Variants in PDGFRA observed in about 807,000 individuals in gnomAD.
The protein encoded by PDGFRA is platelet derived growth factor receptor alpha.
In PDGFRA, 25 loss-of-function variants were observed where a neutral mutation model predicts 121.5. That is an observed-to-expected ratio of 0.21 (90% confidence interval 0.15 to 0.29). The LOEUF (loss-of-function observed/expected upper bound fraction) is 0.29, where lower values mean the gene tolerates loss of function less well. Ranked by LOEUF, PDGFRA falls within the 10% of genes least tolerant of loss-of-function variation. The pLI is 1.00. For missense variants in PDGFRA, 1,008 were observed against 1,345.1 expected (o/e 0.75, Z 3.92); for synonymous variants, 463 against 494.8 (o/e 0.94, Z 0.85).
intron 1 of PDGFRA, among the ~76,000 whole-genome samples, chr4:54,257,030 T>A (rs1321806812): frequency 6.6e-6 from 1 of 151,796 alleles, no homozygotes; most frequent in African/African-American, 2.4e-5. Context: ...CCCTGTTTCA[T>A]AAACAAATTA....
At chr4:54,246,465 C>T (rs575901229) in intron 1 of PDGFRA, among the ~76,000 whole-genome samples, 13 of 152,328 alleles carry the variant, frequency 8.5e-5, no homozygotes, top group Non-Finnish European at 1.5e-5. Context: ...TCCTGAATGA[C>T]TACTGGGTAC....
intron 18 of PDGFRA, among the ~76,000 whole-genome samples, chr4:54,286,845 C>T (rs563295965): frequency 1.3e-5 from 2 of 152,276 alleles, no homozygotes; most frequent in Admixed American, 1.3e-4. Flanking sequence ...ATTTTGTTGT[C>T]TACTTGAACC....
chr4:54,255,181 A>T (rs1722292933), intron 1 of PDGFRA, among the ~76,000 whole-genome samples: 1 of 152,140 alleles, frequency 6.6e-6, no homozygotes, highest in African/African-American at 2.4e-5. Flanking sequence ...GCTCTAAGTA[A>T]CCACAGGGTT....
In PDGFRA at chr4:54,284,875, CTATCT is replaced by C. The variant is rs1362377765; in HGVS notation, c.2324-494_2324-490del. 3.2e-4 allele frequency among the ~76,000 whole-genome samples: 33 copies of C among 104,168 alleles called. No homozygotes were observed. In the South Asian group the frequency reaches 7.3e-3, roughly 23 times the overall value. 68.3% of individuals were successfully genotyped at this position (104,168 alleles called of 152,430 possible). A position where few individuals can be genotyped will look rare whatever the true frequency, so the allele number is the denominator to read the frequency against. On this transcript the variant is annotated intron_variant, in intron 16 of 22. Coordinates refer to ENST00000257290, the MANE Select transcript of PDGFRA (RefSeq NM_006206.6). ...ATCTCTTTCCTTTCTTTCATTCTTT[CTATCT>C]TTTTTTTTTTTTTTTTTTTTTGAGA...
intron 18 of PDGFRA, among the ~76,000 whole-genome samples, chr4:54,287,013 T>A (rs1724394772): frequency 2.0e-5 from 3 of 152,292 alleles, no homozygotes; most frequent in African/African-American, 7.2e-5. Context: ...TGGGCCTGCA[T>A]CCATGCTGTG....
At chr4:54,283,276 G>T (rs1724162592) in intron 16 of PDGFRA, among the ~76,000 whole-genome samples, 1 of 152,154 alleles carries the variant, frequency 6.6e-6, no homozygotes, top group Non-Finnish European at 1.5e-5. Flanking sequence ...GGACACCCTG[G>T]TTTTTTAATA....
At chr4:54,281,817 G>A in intron 16 of PDGFRA, 1 of 1,250,476 alleles carries the variant, frequency 8.0e-7, no homozygotes, top group Non-Finnish European at 1.0e-6. Context: ...ACTAACTGGG[G>A]AAAGTGGACA....
chr4:54,229,472 T>G (rs1324128850), intron 1 of PDGFRA, 57 bp downstream of exon 1: 1 of 393,012 alleles, frequency 2.5e-6, no homozygotes, highest in African/African-American at 2.1e-5. Context: ...GATCAGACTC[T>G]GGGACTGGAG....
At chr4:54,272,355 A>G (rs1723447465) in intron 8 of PDGFRA, 39 bp from the exon 9 acceptor site, 3 of 1,612,142 alleles carry the variant, frequency 1.9e-6, no homozygotes, top group Non-Finnish European at 2.5e-6. Context: ...GTTCTGGGAC[A>G]CGAGCTATTC....
At chr4:54,281,556 A>G (rs748332714) in intron 16 of PDGFRA, 11 of 1,334,840 alleles carry the variant, frequency 8.2e-6, no homozygotes, top group Admixed American at 2.2e-5. Context: ...CCATATTGTT[A>G]AAAATAGTTT....
intron 2 of PDGFRA, among the ~76,000 whole-genome samples, chr4:54,260,573 TA>T (rs1356227657): frequency 1.3e-5 from 2 of 151,756 alleles, no homozygotes; most frequent in Non-Finnish European, 1.5e-5. Context: ...CTAATTTTTT[TA>T]TTTTTTTATT....
chr4:54,259,623 GCT>G (rs978727157), intron 2 of PDGFRA, among the ~76,000 whole-genome samples: 3 of 152,172 alleles, frequency 2.0e-5, no homozygotes, highest in African/African-American at 7.2e-5. Context: ...TGAGGAGTTA[GCT>G]CAGCCCGTTA....
intron 16 of PDGFRA, among the ~76,000 whole-genome samples, chr4:54,284,556 GAGAGAGAC>G (rs750318051): frequency 0.17 from 3,227 of 18,484 alleles, 59 homozygotes; most frequent in Middle Eastern, 0.5. Flanking sequence ...GAGCAAGTGA[GAGAGAGAC>G]AGAGAGAGAG....
At chr4:54,275,573 A>G (rs2110302711) in intron 12 of PDGFRA, among the ~76,000 whole-genome samples, 1 of 152,356 alleles carries the variant, frequency 6.6e-6, no homozygotes, top group East Asian at 1.9e-4. Flanking sequence ...AAGCAAGACA[A>G]AGGCAAATGA....
At chr4:54,264,232 A>C in intron 4 of PDGFRA, 1 of 490,756 alleles carries the variant, frequency 2.0e-6, no homozygotes, top group Non-Finnish European at 3.6e-6. Context: ...TGGCGGCCCT[A>C]AAAACAAACA....
intron 2 of PDGFRA, among the ~76,000 whole-genome samples, chr4:54,259,790 G>C (rs796793827): frequency 7.2e-5 from 11 of 152,286 alleles, no homozygotes; most frequent in African/African-American, 2.6e-4. Flanking sequence ...AATTATAGTG[G>C]TCATATATTG....
rs559979378 is a variant in PDGFRA, at chr4:54,293,901, A to G, written c.3123-1224A>G. Among the ~76,000 whole-genome samples, 11 of 83,422 alleles carry G rather than the reference A, an allele frequency of 1.3e-4. No individual in the cohort carries two copies. In the East Asian group the frequency reaches 3.7e-3, roughly 28 times the overall value. 54.7% of individuals were successfully genotyped at this position (83,422 alleles called of 152,430 possible). A position where few individuals can be genotyped will look rare whatever the true frequency, so the allele number is the denominator to read the frequency against. Reference sequence around the variant, plus strand: ...ATAGTGGCCCCTAGTTCAAGGTCCAAGTTGCTTGTGTGTGTGTGTGTGTGT... The same window carrying G: ...ATAGTGGCCCCTAGTTCAAGGTCCAGGTTGCTTGTGTGTGTGTGTGTGTGT... On this transcript the variant is annotated intron_variant, in intron 22 of 22. Coordinates refer to ENST00000257290, the MANE Select transcript of PDGFRA (RefSeq NM_006206.6).
At chr4:54,246,213 G>A (rs62299375) in intron 1 of PDGFRA, among the ~76,000 whole-genome samples, 3,098 of 152,082 alleles carry the variant, frequency 0.02, 37 homozygotes, top group Non-Finnish European at 0.03. Flanking sequence ...TGCACCAAGC[G>A]GACCTAATAG....
chr4:54,274,727 T>G, intron 11 of PDGFRA, 102 bp downstream of exon 11: 1 of 1,440,934 alleles, frequency 6.9e-7, no homozygotes, highest in South Asian at 1.1e-5. Flanking sequence ...AGCAATTACA[T>G]GTGGAGTGAA....
Sources: allele counts gnomAD v4.1 joint callset (sites outside exome capture counted in the v4.1 genomes callset), GRCh38; gene constraint gnomAD v4.1.1; transcripts MANE v1.5; gene names NCBI Gene and HGNC (gene_info 2026-07-23, HGNC 2026-07-21).